SNX13: variants seen among roughly 807,000 people sequenced by gnomAD.
SNX13 encodes the protein sorting nexin-13.
In SNX13, 45 loss-of-function variants were observed where a neutral mutation model predicts 133.6. The observed-to-expected ratio is 0.34, with a 90% CI of 0.27 to 0.43. The LOEUF is 0.43. SNX13 is among the 20% of genes least tolerant of loss of function. The pLI is 1.00. For missense variants in SNX13, 1,032 were observed against 1,145.1 expected, an observed-to-expected ratio of 0.90 and a Z score of 1.43; for synonymous variants, 414 against 373.9, an observed-to-expected ratio of 1.11 and a Z score of -1.24.
Position 17,804,860 on chromosome 7 carries a change from G to A in SNX13, c.2065-1280C>T, listed in dbSNP as rs561352073. ...CTCACTGCTTAGGAATCATAGCAAC[G>A]TTAATAGATGGTAAGAAGACAAAAC... is the stretch of plus-strand genomic sequence containing the variant. On this transcript the variant is annotated intron_variant, in intron 20 of 25. Coordinates refer to ENST00000428135, the MANE Select transcript of SNX13 (RefSeq NM_015132.5). 2.6e-5 allele frequency among the ~76,000 whole-genome samples: 4 copies of A among 152,194 alleles called. No homozygotes were observed. In the East Asian group the frequency reaches 5.8e-4, roughly 22 times the overall value.
At position 17,877,982 on chromosome 7, in the gene SNX13, T is replaced by C. The variant is rs1174698774; in HGVS notation, c.441-2192A>G. On this transcript the variant is annotated intron_variant, in intron 5 of 25. Transcript: ENST00000428135. ...TAGGATATATACTAACAATTTCTAA[T>C]AATGTTTGTCTTAACAAAATTGGAA... Among the ~76,000 whole-genome samples the C allele has an allele frequency of 2.6e-5, 4 of 152,192 alleles. No homozygotes were observed. The East Asian group carries it at 7.7e-4, about 29-fold the overall frequency.
rs550990597 is a variant in SNX13 at position 17,902,975 on chromosome 7, G to A, written c.13-5529C>T. Among the ~76,000 whole-genome samples, 26 of 152,156 alleles carry A rather than the reference G, an allele frequency of 1.7e-4. No homozygotes were observed. In the South Asian group the frequency reaches 4.2e-3, roughly 24 times the overall value. On this transcript the variant is annotated intron_variant, in intron 1 of 25. Transcript: ENST00000428135. Reference sequence around the variant, plus strand: ...ATCTGAGGTGGGAGAGTTTCATCTTGAAACCATCCCCTCCACCTCGCAGGC... The same window carrying A: ...ATCTGAGGTGGGAGAGTTTCATCTTAAAACCATCCCCTCCACCTCGCAGGC...
intron 5 of SNX13, among the ~76,000 whole-genome samples, chr7:17,883,423 G>C (rs1795597054): frequency 6.6e-6 from 1 of 152,096 alleles, no homozygotes; most frequent in South Asian, 2.1e-4. Flanking sequence ...TTAGTAAACA[G>C]GAGTATTAAT....
intron 9 of SNX13, chr7:17,868,187 TA>T (rs1407552139): frequency 2.1e-6 from 1 of 469,252 alleles, no homozygotes; most frequent in African/African-American, 2.0e-5. Context: ...AGTAGCACCA[TA>T]ACCGCAAGGA....
intron 1 of SNX13, among the ~76,000 whole-genome samples, chr7:17,916,534 T>C (rs866796235): frequency 3.3e-5 from 5 of 152,088 alleles, no homozygotes; most frequent in Non-Finnish European, 7.4e-5. Context: ...CATCTGTATG[T>C]ACACAAACAA....
At position 17,845,655 on chromosome 7, in the gene SNX13, G is replaced by A. The variant is rs1406014310; in HGVS notation, c.1105C>T (p.Leu369Phe). Residue 369 changes from leucine (L) to phenylalanine (F), a missense_variant, in exon 12 of 26, where the codon CTT becomes TTT. Leu to Phe is a conservative substitution (Grantham distance 22). Transcript: ENST00000428135. The part of the protein sequence containing the change: ...TVKLAANFGK[L>F]CTVPLDSILV... ...ATGCTGTCCAGGGGGACTGTGCAAAGTTTCCCAAAGTTTGCTGCAAGTTTC... is the reference window on the plus strand; with the variant it reads ...ATGCTGTCCAGGGGGACTGTGCAAAATTTCCCAAAGTTTGCTGCAAGTTTC... 1 of 1,602,086 alleles carries A rather than the reference G, an allele frequency of 6.2e-7. No individual in the cohort carries two copies. The highest frequency in any genetic ancestry group is 8.5e-7 in the Non-Finnish European group (1 of 1,174,630).
At chr7:17,881,409 CCAAT>C (rs1407419526) in intron 5 of SNX13, 1 of 151,828 alleles carries the variant, frequency 6.6e-6, no homozygotes, top group Non-Finnish European at 1.5e-5. Flanking sequence ...AATATAATAA[CCAAT>C]CACATAAAAT....
chr7:17,923,685 C>G (rs1346871713), intron 1 of SNX13, among the ~76,000 whole-genome samples: 1 of 152,054 alleles, frequency 6.6e-6, no homozygotes, highest in Non-Finnish European at 1.5e-5. Context: ...GCAGGGAGAA[C>G]AGAGAAACAA....
At position 17,794,020 on chromosome 7, in the gene SNX13, A is replaced by T; in HGVS notation, c.*25T>A. ...CATACCATTAGTCCTGGACAAAATG[A>T]ACACCAGCTTCATAGAGTGGAGTGT... On this transcript the variant is annotated 3_prime_UTR_variant, in exon 26 of 26. Transcript: ENST00000428135. The T allele has an allele frequency of 6.2e-7, 1 of 1,606,618 alleles. No individual in the cohort carries two copies. The highest frequency in any genetic ancestry group is 8.5e-7 in the Non-Finnish European group (1 of 1,175,830).
intron 1 of SNX13, among the ~76,000 whole-genome samples, chr7:17,903,540 C>T (rs1554270681): frequency 1.3e-5 from 2 of 152,164 alleles, no homozygotes; most frequent in South Asian, 4.1e-4. Context: ...CCTTCATTTC[C>T]TCACCTATGT....
chr7:17,825,551 GAT>G (rs1787817337), intron 17 of SNX13, among the ~76,000 whole-genome samples: 1 of 152,130 alleles, frequency 6.6e-6, no homozygotes, highest in African/African-American at 2.4e-5. Flanking sequence ...TATGCTGAAT[GAT>G]CACAAAGTTT....
At chr7:17,924,978 C>T (rs764549953) in intron 1 of SNX13, among the ~76,000 whole-genome samples, 8 of 152,086 alleles carry the variant, frequency 5.3e-5, no homozygotes, top group Non-Finnish European at 8.8e-5. Flanking sequence ...GAGGCCAAGG[C>T]GGGCAGATCA....
At chr7:17,886,424 C>T (rs1040232895) in intron 5 of SNX13, among the ~76,000 whole-genome samples, 1 of 151,812 alleles carries the variant, frequency 6.6e-6, no homozygotes, top group Non-Finnish European at 1.5e-5. Flanking sequence ...AAAAATTAGT[C>T]GGGTGTAGTG....
chr7:17,838,886 C>G (rs941188449), intron 13 of SNX13, among the ~76,000 whole-genome samples: 4 of 151,176 alleles, frequency 2.6e-5, no homozygotes, highest in Admixed American at 2.6e-4. Context: ...TTCATGTGTT[C>G]TGGAAAATAA....
Position 17,821,476 on chromosome 7 carries a change from C to T in SNX13, c.1845+33G>A, listed in dbSNP as rs1787271258. ...TAATCAAAATCAAATCAAGAAACAACATAAAGTACACAAGTTTTTAAAACT... is the reference window on the plus strand; with the variant it reads ...TAATCAAAATCAAATCAAGAAACAATATAAAGTACACAAGTTTTTAAAACT... On this transcript the variant is annotated intron_variant, in intron 18 of 25. Transcript: ENST00000428135. 3 of 1,555,406 alleles carry T rather than the reference C, an allele frequency of 1.9e-6. No homozygotes were observed. The East Asian group carries it at 6.8e-5, about 35-fold the overall frequency.
intron 13 of SNX13, 122 bp from the exon 14 acceptor site, chr7:17,834,987 G>C: frequency 1.7e-6 from 1 of 579,182 alleles, no homozygotes; most frequent in Non-Finnish European, 3.0e-6. Flanking sequence ...TCATTGGTTT[G>C]TAAACGACAC....
chr7:17,917,710 C>T (rs190330428), intron 1 of SNX13, among the ~76,000 whole-genome samples: 104 of 151,780 alleles, frequency 6.9e-4, no homozygotes, highest in Admixed American at 2.0e-3. Context: ...ACTGTTAAAA[C>T]GGCCATAGTG....
chr7:17,890,431 G>A lies in SNX13; in HGVS notation c.372C>T (p.Ser124=), dbSNP rs746945459. 45 of 1,609,228 alleles carry A rather than the reference G, an allele frequency of 2.8e-5. No homozygotes were observed. The highest frequency in any genetic ancestry group is 1.7e-4 in the African/African-American group (13 of 74,720). Residue 124 remains serine, a synonymous_variant, in exon 5 of 26, where the codon AGC becomes AGT. Coordinates refer to ENST00000428135, the MANE Select transcript of SNX13 (RefSeq NM_015132.5). ...DYVQYWYYTL[S]DDESFLLEIR... Reference sequence around the variant, plus strand: ...TTTCAAGAAGAAAAGATTCATCATCGCTTAGTGTATAATACCAATACTGGA... The same window carrying A: ...TTTCAAGAAGAAAAGATTCATCATCACTTAGTGTATAATACCAATACTGGA...
At chr7:17,824,774 C>CTT (rs35168851) in intron 17 of SNX13, among the ~76,000 whole-genome samples, 177 of 146,888 alleles carry the variant, frequency 1.2e-3, no homozygotes, top group East Asian at 3.8e-3. Flanking sequence ...GAAGAAATAA[C>CTT]TTTTTTTTTT....
Sources: allele counts gnomAD v4.1 joint callset (sites outside exome capture counted in the v4.1 genomes callset), GRCh38; gene constraint gnomAD v4.1.1; transcripts MANE v1.5; gene names NCBI Gene and HGNC (gene_info 2026-07-23, HGNC 2026-07-21).